PCDHGA4: variants seen among roughly 807,000 people sequenced by gnomAD.
PCDHGA4 encodes the protein protocadherin gamma subfamily A, 4.
Under a neutral mutation model 54.6 loss-of-function variants are expected in PCDHGA4, and 38 were observed. That is an observed-to-expected ratio of 0.70 (90% CI 0.54 to 0.91). The LOEUF (loss-of-function observed/expected upper bound fraction) is 0.91, where lower values mean the gene tolerates loss of function less well. Ranked by LOEUF, PCDHGA4 falls within the 40% of genes least tolerant of loss-of-function variation. PCDHGA4 has a pLI of 0.00. For missense variants in PCDHGA4, 1,298 were observed against 1,220.9 expected (o/e 1.06, Z -0.94); for synonymous variants, 511 against 512.9 (o/e 1.00, Z 0.05).
chr5:141,364,546 G>C (rs149041036), intron 1 of PCDHGA4: 36,067 of 1,614,110 alleles, frequency 0.022, 502 homozygotes, highest in Non-Finnish European at 0.025. Flanking sequence ...GAGGTAGGAC[G>C]CAGCTTTTTG....
At position 141,372,292 on chromosome 5, in the gene PCDHGA4, G is replaced by A. The variant is rs1768614066; in HGVS notation, c.2514+14671G>A. The A allele has an allele frequency of 4.3e-6, 7 of 1,613,164 alleles. No homozygotes were observed. The African/African-American group carries it at 5.3e-5, about 12-fold the overall frequency. ...GAGGTGCGCACGGCGCGTACCTTGGGCGACAGGGAGGCCGCCCGCCAGCGC... is the reference window on the plus strand; with the variant it reads ...GAGGTGCGCACGGCGCGTACCTTGGACGACAGGGAGGCCGCCCGCCAGCGC... On this transcript the variant is annotated intron_variant, in intron 1 of 3. Transcript: ENST00000571252.
chr5:141,469,283 T>C (rs576231993), intron 1 of PCDHGA4, among the ~76,000 whole-genome samples: 1 of 149,898 alleles, frequency 6.7e-6, no homozygotes, highest in African/African-American at 2.5e-5. Flanking sequence ...TCTCAAAAAA[T>C]AAAACAAAAT....
chr5:141,383,833 A>T (rs1264167021), intron 1 of PCDHGA4: 2 of 1,613,926 alleles, frequency 1.2e-6, no homozygotes, highest in Non-Finnish European at 1.7e-6. Flanking sequence ...TTATGAAGAA[A>T]CTGCCTTCTA....
rs1471215172 is a variant in PCDHGA4 at position 141,511,840 on chromosome 5, TCTG to T, written c.*668_*670del. 1 of 156,722 alleles carries T rather than the reference TCTG, an allele frequency of 6.4e-6. No homozygotes were observed. Among genetic ancestry groups the T allele is most frequent in the African/African-American group, 2.4e-5 (1 of 41,448 alleles). The allele number at this position is 156,722 out of a possible 1,614,324, so 9.7% of individuals were successfully genotyped here. A position where few individuals can be genotyped will look rare whatever the true frequency, so the allele number is the denominator to read the frequency against. On this transcript the variant is annotated 3_prime_UTR_variant, in exon 4 of 4. Coordinates refer to ENST00000571252, the MANE Select transcript of PCDHGA4 (RefSeq NM_018917.4). ...TTCCCAACGCCCTGGGGACCAGTCTTCTGTTTTGTTTTTCATTGTTTGACGTTT... is the reference window on the plus strand; with the variant it reads ...TTCCCAACGCCCTGGGGACCAGTCTTTTTTGTTTTTCATTGTTTGACGTTT...
chr5:141,465,273 G>A (rs949271610), intron 1 of PCDHGA4, among the ~76,000 whole-genome samples: 1 of 152,068 alleles, frequency 6.6e-6, no homozygotes, highest in Non-Finnish European at 1.5e-5. Context: ...TAGCCATTTA[G>A]TTCACCCCTA....
chr5:141,415,189 A>T (rs575244490), intron 1 of PCDHGA4: 2 of 1,613,840 alleles, frequency 1.2e-6, no homozygotes, highest in Non-Finnish European at 1.7e-6. Context: ...GGCCGACAGC[A>T]TCCCCCAAGT....
At position 141,485,430 on chromosome 5, in the gene PCDHGA4, T is replaced by C; in HGVS notation, c.2515-9377T>C. The C allele has an allele frequency of 6.2e-7, 1 of 1,614,138 alleles. No individual in the cohort carries two copies. Among genetic ancestry groups the C allele is most frequent in the Non-Finnish European group, 8.5e-7 (1 of 1,180,022 alleles). On this transcript the variant is annotated intron_variant, in intron 1 of 3. Transcript: ENST00000571252. The surrounding 1 kb of genome is among the most constrained non-coding windows in gnomAD (Gnocchi z 5.7). ...GATTTGGACAGCGGAGCCCTGCTCA[T>C]CAAGAACCCAATCGACCGAGAGGCA... is the stretch of plus-strand genomic sequence containing the variant.
In PCDHGA4 at chr5:141,390,041, C is replaced by A. The variant is rs373243233; in HGVS notation, c.2514+32420C>A. On this transcript the variant is annotated intron_variant, in intron 1 of 3. Coordinates refer to ENST00000571252, the MANE Select transcript of PCDHGA4 (RefSeq NM_018917.4). ...TGCGCCTGCGACGCTCCTCCAGCCC[C>A]GCCTCCTGGAGCTGCTTCCAGCCTG... is the stretch of plus-strand genomic sequence containing the variant. The A allele has an allele frequency of 3.7e-6, 6 of 1,613,940 alleles. No homozygotes were observed. In the African/African-American group the frequency reaches 8.0e-5, roughly 22 times the overall value.
At chr5:141,381,826 C>CTTTTTTTTT (rs770630741) in intron 1 of PCDHGA4, among the ~76,000 whole-genome samples, 22 of 74,282 alleles carry the variant, frequency 3.0e-4, no homozygotes, top group African/African-American at 5.6e-4. Context: ...CTTTCTTCTT[C>CTTTTTTTTT]TTTTTTTTTT....
chr5:141,389,896 C>G, intron 1 of PCDHGA4: 8 of 1,614,078 alleles, frequency 5.0e-6, no homozygotes, highest in Non-Finnish European at 6.8e-6. Context: ...GAGGTGCTGC[C>G]GGATATCACT....
At chr5:141,398,850 A>G in intron 1 of PCDHGA4, 20 of 1,613,982 alleles carry the variant, frequency 1.2e-5, no homozygotes, top group Non-Finnish European at 1.6e-5. Flanking sequence ...ATCCCCCGGT[A>G]TTCAACCGAG....
chr5:141,363,555 G>A (rs758250718), intron 1 of PCDHGA4, among the ~76,000 whole-genome samples: 2 of 152,096 alleles, frequency 1.3e-5, no homozygotes, highest in Non-Finnish European at 2.9e-5. Flanking sequence ...ATTTGAACAT[G>A]GTAATAGAAA....
intron 1 of PCDHGA4, among the ~76,000 whole-genome samples, chr5:141,460,912 G>GTATA (rs34683754): frequency 4.0e-5 from 6 of 149,324 alleles, no homozygotes; most frequent in South Asian, 2.1e-4. Context: ...ATTCCATGGT[G>GTATA]TATATATATA....
At chr5:141,450,241 C>T (rs1236675009) in intron 1 of PCDHGA4, among the ~76,000 whole-genome samples, 1 of 152,094 alleles carries the variant, frequency 6.6e-6, no homozygotes, top group East Asian at 1.9e-4. Flanking sequence ...TAGTCTTGAA[C>T]TCCTGACCTC....
At chr5:141,463,438 CTTTTTTTTTTTTT>C (rs71576115) in intron 1 of PCDHGA4, among the ~76,000 whole-genome samples, 4 of 103,254 alleles carry the variant, frequency 3.9e-5, no homozygotes, top group South Asian at 3.2e-4. Flanking sequence ...TTTCCTTCTC[CTTTTTTTTTTTTT>C]TTTTTTTTTT....
chr5:141,488,748 T>C (rs2099679003), intron 1 of PCDHGA4, among the ~76,000 whole-genome samples: 1 of 152,270 alleles, frequency 6.6e-6, no homozygotes, highest in African/African-American at 2.4e-5. Flanking sequence ...ATGCAGGAAG[T>C]TGCTGGGACA....
At chr5:141,447,230 C>G (rs1309076828) in intron 1 of PCDHGA4, among the ~76,000 whole-genome samples, 1 of 152,132 alleles carries the variant, frequency 6.6e-6, no homozygotes, top group Non-Finnish European at 1.5e-5. Flanking sequence ...ACCTCCGCCT[C>G]CCGGGTTCAA....
chr5:141,359,398 T>A (rs913400930), intron 1 of PCDHGA4, among the ~76,000 whole-genome samples: 8 of 152,004 alleles, frequency 5.3e-5, no homozygotes, highest in Non-Finnish European at 7.4e-5. Flanking sequence ...TAAAATCAAA[T>A]TTTTTAAAAA....
At chr5:141,507,833 G>C (rs1184502436) in intron 3 of PCDHGA4, among the ~76,000 whole-genome samples, 2 of 152,172 alleles carry the variant, frequency 1.3e-5, no homozygotes, top group East Asian at 3.9e-4. Flanking sequence ...GGAGGTGGTG[G>C]GTCAGGCCCT....
Sources: allele counts gnomAD v4.1 joint callset (sites outside exome capture counted in the v4.1 genomes callset), GRCh38; gene constraint gnomAD v4.1.1; non-coding constraint Gnocchi (gnomAD v3.1); transcripts MANE v1.5; gene names NCBI Gene and HGNC (gene_info 2026-07-23, HGNC 2026-07-21).